The following SLC26A8 variants were observed in gnomAD, a reference collection of about 807,000 sequenced individuals.
SLC26A8 encodes the protein solute carrier family 26 member 8, also known as testis anion transporter 1.
SLC26A8 carries 70 observed loss-of-function variants against 105.0 expected under a neutral mutation model. That is an observed-to-expected ratio of 0.67 (90% CI 0.55 to 0.81). SLC26A8 has a LOEUF of 0.81. SLC26A8 is among the 40% of genes least tolerant of loss of function. SLC26A8 has a pLI of 0.00. For synonymous variants in SLC26A8, 415 were observed against 438.3 expected (o/e 0.95, Z 0.66); for missense variants, 998 against 1,181.8 (o/e 0.84, Z 2.28).
intron 3 of SLC26A8, among the ~76,000 whole-genome samples, chr6:36,004,623 T>C (rs957824022): frequency 1.3e-5 from 2 of 151,848 alleles, no homozygotes; most frequent in African/African-American, 4.8e-5. Flanking sequence ...ATGCACTCCA[T>C]TATAATGTTG....
In SLC26A8 at chr6:35,961,013, G is replaced by C; in HGVS notation, c.1548C>G (p.Ile516Met). ...LIISVVSAFF[I>M]TTVRSHRAKI... Reference sequence around the variant, plus strand: ...AGTACCTGTGTGAACGAACAGTGGTGATGAAGAAAGCAGAAACTACTGAGA... The same window carrying C: ...AGTACCTGTGTGAACGAACAGTGGTCATGAAGAAAGCAGAAACTACTGAGA... Residue 516 changes from isoleucine (I) to methionine (M), a missense_variant, in exon 13 of 20, where the codon ATC (isoleucine) becomes ATG (methionine). By Grantham distance (10) the Ile-to-Met change is conservative (BLOSUM62 1). Transcript: ENST00000490799. 6.2e-7 allele frequency: 1 copy of C among 1,614,142 alleles called. No homozygotes were observed. Among genetic ancestry groups the C allele is most frequent in the South Asian group, 1.1e-5 (1 of 91,078 alleles).
intron 10 of SLC26A8, chr6:35,969,174 C>T (rs191647305): frequency 1.2e-5 from 6 of 505,078 alleles, no homozygotes; most frequent in South Asian, 2.2e-5. Context: ...TGGAAAGATG[C>T]TCCCTGAAAA....
At chr6:35,948,655 C>T (rs543566027) in intron 19 of SLC26A8, among the ~76,000 whole-genome samples, 50 of 152,238 alleles carry the variant, frequency 3.3e-4, no homozygotes, top group African/African-American at 1.1e-3. Flanking sequence ...ACATCCACAA[C>T]TAAACTAGAA....
intron 9 of SLC26A8, among the ~76,000 whole-genome samples, chr6:35,976,162 A>G (rs1773012831): frequency 6.6e-6 from 1 of 151,992 alleles, no homozygotes; most frequent in African/African-American, 2.4e-5. Context: ...GCGGTGGCTC[A>G]CACCTGTAAT....
intron 5 of SLC26A8, among the ~76,000 whole-genome samples, chr6:35,995,063 T>C (rs1385061690): frequency 1.3e-5 from 2 of 152,208 alleles, no homozygotes; most frequent in African/African-American, 4.8e-5. Flanking sequence ...TAATATTCAA[T>C]GTAAAGTGTT....
rs147146531 is a variant in SLC26A8, at chr6:35,949,698, A to G, written c.2472+1465T>C. On this transcript the variant is annotated intron_variant, in intron 19 of 19. Transcript: ENST00000490799. Reference sequence around the variant, plus strand: ...AAATAGAGAAACTTCCATTTATAGTAAAAGCAGACTGCATAATTCAAACCA... The same window carrying G: ...AAATAGAGAAACTTCCATTTATAGTGAAAGCAGACTGCATAATTCAAACCA... Among the ~76,000 whole-genome samples the G allele has an allele frequency of 4.9e-3, 746 of 152,254 alleles. 21 individuals carry two copies. Among genetic ancestry groups the G allele is most frequent in the Admixed American group, 0.043 (651 of 15,284 alleles).
chr6:35,959,350 A>G, intron 16 of SLC26A8, 110 bp downstream of exon 16: 2 of 1,237,338 alleles, frequency 1.6e-6, no homozygotes, highest in Non-Finnish European at 2.2e-6. Context: ...TTCATGGTCC[A>G]TCTAAAAGTC....
intron 6 of SLC26A8, among the ~76,000 whole-genome samples, chr6:35,992,010 A>G (rs1157417702): frequency 1.3e-5 from 2 of 152,182 alleles, no homozygotes; most frequent in African/African-American, 2.4e-5. Context: ...GTAATGCTCA[A>G]TAAGAATAAG....
chr6:35,964,958 C>A (rs370644276), intron 11 of SLC26A8, among the ~76,000 whole-genome samples: 6,009 of 137,054 alleles, frequency 0.044, 157 homozygotes, highest in Middle Eastern at 0.083. Context: ...GAGAGTGAGA[C>A]CATGTCTCAA....
At chr6:35,962,926 C>T (rs1772371982) in intron 11 of SLC26A8, among the ~76,000 whole-genome samples, 1 of 152,166 alleles carries the variant, frequency 6.6e-6, no homozygotes, top group Non-Finnish European at 1.5e-5. Context: ...CACTCAGCCT[C>T]CCAAGTAGCT....
intron 3 of SLC26A8, among the ~76,000 whole-genome samples, chr6:36,007,204 C>G (rs1761713029): frequency 6.6e-6 from 1 of 152,174 alleles, no homozygotes; most frequent in African/African-American, 2.4e-5. Flanking sequence ...TCCCTATTAA[C>G]AGATGACATG....
intron 1 of SLC26A8, 123 bp from the exon 2 acceptor site, chr6:36,019,832 GT>G (rs2127377054): frequency 2.2e-6 from 2 of 891,130 alleles, no homozygotes; most frequent in South Asian, 4.9e-5. Flanking sequence ...TCTTTCAGTT[GT>G]AAAAAACTCT....
At chr6:35,987,835 A>G (rs1283251811) in intron 7 of SLC26A8, among the ~76,000 whole-genome samples, 1 of 152,084 alleles carries the variant, frequency 6.6e-6, no homozygotes, top group Admixed American at 6.6e-5. Flanking sequence ...GTTAACTTTA[A>G]GCATCTTTGC....
At chr6:35,955,740 C>A (rs1380883633) in intron 16 of SLC26A8, among the ~76,000 whole-genome samples, 18 of 152,114 alleles carry the variant, frequency 1.2e-4, no homozygotes. Context: ...ACCCACGACA[C>A]CCCCCTCCCA....
At chr6:36,004,507 T>C (rs1761627711) in intron 3 of SLC26A8, among the ~76,000 whole-genome samples, 2 of 152,180 alleles carry the variant, frequency 1.3e-5, no homozygotes, top group Non-Finnish European at 2.9e-5. Context: ...ATTTTCTTTA[T>C]ATTCTTTTGA....
In SLC26A8 at chr6:35,974,351, G is replaced by T. The variant is rs192464420; in HGVS notation, c.1287+1024C>A. On this transcript the variant is annotated intron_variant, in intron 10 of 19. Coordinates refer to ENST00000490799, the MANE Select transcript of SLC26A8 (RefSeq NM_052961.4). ...AACAAAAACAAAAAACAAAACTCAT[G>T]AACATTAGACTTATAAAATCTCATG... 2.6e-5 allele frequency among the ~76,000 whole-genome samples: 4 copies of T among 152,168 alleles called. No individual in the cohort carries two copies. In the East Asian group the frequency reaches 7.7e-4, roughly 29 times the overall value.
At chr6:35,976,478 G>A (rs1310985183) in intron 9 of SLC26A8, among the ~76,000 whole-genome samples, 2 of 149,692 alleles carry the variant, frequency 1.3e-5, no homozygotes, top group African/African-American at 2.4e-5. Context: ...TTTCCCTCTT[G>A]AGTTCTAGGG....
intron 1 of SLC26A8, among the ~76,000 whole-genome samples, chr6:36,022,488 GTGCAGATA>G (rs140723): frequency 0.69 from 103,886 of 151,042 alleles, 36,104 homozygotes; most frequent in Middle Eastern, 0.74. Flanking sequence ...TTACTGGACA[GTGCAGATA>G]TGCAGATATA....
chr6:35,945,618 C>G (rs762571409), intron 19 of SLC26A8, among the ~76,000 whole-genome samples: 5 of 152,178 alleles, frequency 3.3e-5, no homozygotes, highest in Non-Finnish European at 7.3e-5. Context: ...TAGTCATCAC[C>G]CCAGATTCAG....
Sources: allele counts gnomAD v4.1 joint callset (sites outside exome capture counted in the v4.1 genomes callset), GRCh38; gene constraint gnomAD v4.1.1; transcripts MANE v1.5; gene names NCBI Gene and HGNC (gene_info 2026-07-23, HGNC 2026-07-21).